The following LARGE1 variants were observed in gnomAD, a reference collection of about 807,000 sequenced individuals.
LARGE1 encodes the protein LARGE xylosyl- and glucuronyltransferase 1.
A neutral mutation model predicts 87.6 loss-of-function variants in LARGE1; 43 were observed. The observed-to-expected ratio is 0.49, with a 90% confidence interval of 0.38 to 0.63. The LOEUF (loss-of-function observed/expected upper bound fraction) is 0.63. Among genes scored for constraint, LARGE1 ranks in the 30% least tolerant of loss-of-function variants. LARGE1 has a pLI of 0.00. For missense variants in LARGE1, 802 were observed against 1,000.2 expected, an observed-to-expected ratio of 0.80 and a Z score of 2.67; for synonymous variants, 434 against 394.6, an observed-to-expected ratio of 1.10 and a Z score of -1.18.
chr22:33,532,011 G>C (rs887889021), intron 6 of LARGE1, among the ~76,000 whole-genome samples: 4 of 152,218 alleles, frequency 2.6e-5, no homozygotes, highest in African/African-American at 9.6e-5. Context: ...AGCTGTTTTA[G>C]TACATTTTTG....
Position 33,882,045 on chromosome 22 carries a change from GT to G in LARGE1, c.-83+37949del, listed in dbSNP as rs3216428. 1.1e-3 allele frequency among the ~76,000 whole-genome samples: 145 copies of G among 130,838 alleles called. No individual in the cohort carries two copies. The East Asian group carries it at 0.011, about 10-fold the overall frequency. 85.8% of individuals were successfully genotyped at this position (130,838 alleles called of 152,430 possible). Reference sequence around the variant, plus strand: ...GGTTTTTTTGTTTTTGTTTTTTTTTGTTTTTTTTTTTTTTTGAGACGGAGTC... The same window carrying G: ...GGTTTTTTTGTTTTTGTTTTTTTTTGTTTTTTTTTTTTTTGAGACGGAGTC... On this transcript the variant is annotated intron_variant, in intron 1 of 14. Transcript: ENST00000397394.
chr22:33,530,053 T>C (rs542787259), intron 6 of LARGE1, among the ~76,000 whole-genome samples: 1 of 152,312 alleles, frequency 6.6e-6, no homozygotes, highest in South Asian at 2.1e-4. Flanking sequence ...GGGTTCAGCT[T>C]ATAACTAATT....
At chr22:33,444,640 A>G (rs2067615582) in intron 6 of LARGE1, among the ~76,000 whole-genome samples, 2 of 152,230 alleles carry the variant, frequency 1.3e-5, no homozygotes, top group African/African-American at 4.8e-5. Context: ...GACTTACTAA[A>G]AGGATAAAGG....
At chr22:33,276,919 G>C in intron 14 of LARGE1, 141 bp downstream of exon 14, 1 of 842,288 alleles carries the variant, frequency 1.2e-6, no homozygotes, top group Non-Finnish European at 2.0e-6. Context: ...AAGAGCCCAA[G>C]GATCAGTACT....
intron 3 of LARGE1, among the ~76,000 whole-genome samples, chr22:33,632,333 A>G (rs1230175192): frequency 1.3e-5 from 2 of 152,144 alleles, no homozygotes; most frequent in East Asian, 3.9e-4. Context: ...CACGTTGCCC[A>G]AGCTGGTCTT....
chr22:33,159,742 G>A (rs747701072), downstream of LARGE1, among the ~76,000 whole-genome samples: 4 of 151,704 alleles, frequency 2.6e-5, no homozygotes, highest in Admixed American at 6.6e-5. Context: ...CCGCCACCAC[G>A]CCTGGCTAAT....
chr22:33,407,753 T>A (rs1439669906), intron 7 of LARGE1, among the ~76,000 whole-genome samples: 1 of 152,124 alleles, frequency 6.6e-6, no homozygotes, highest in African/African-American at 2.4e-5. Flanking sequence ...CAGCAAATTT[T>A]TTCTGAAAGG....
downstream of LARGE1, among the ~76,000 whole-genome samples, chr22:33,157,557 C>G (rs958058957): frequency 6.6e-6 from 1 of 152,174 alleles, no homozygotes. Context: ...AACAGAGAAC[C>G]ACTGCTCATT....
intron 4 of LARGE1, among the ~76,000 whole-genome samples, chr22:33,625,523 G>C (rs2079894056): frequency 6.6e-6 from 1 of 152,194 alleles, no homozygotes; most frequent in African/African-American, 2.4e-5. Flanking sequence ...TTTACAGTCA[G>C]AAATGCCCAA....
chr22:33,305,073 C>G (rs907982765), intron 11 of LARGE1, among the ~76,000 whole-genome samples: 1 of 152,126 alleles, frequency 6.6e-6, no homozygotes, highest in Non-Finnish European at 1.5e-5. Flanking sequence ...GATGGAGGAA[C>G]GGACGTGCCG....
chr22:33,515,076 G>T (rs777544711), intron 6 of LARGE1, among the ~76,000 whole-genome samples: 79 of 151,296 alleles, frequency 5.2e-4, no homozygotes, highest in South Asian at 1.7e-3. Flanking sequence ...TCAGAAAACA[G>T]TAGAGCCAAG....
intron 6 of LARGE1, among the ~76,000 whole-genome samples, chr22:33,545,948 T>G (rs754207482): frequency 7.2e-5 from 11 of 152,198 alleles, no homozygotes; most frequent in Non-Finnish European, 1.3e-4. Context: ...TCTGCCTTAG[T>G]TCAGGCCATG....
intron 1 of LARGE1, among the ~76,000 whole-genome samples, chr22:33,847,040 CT>C (rs2063454479): frequency 6.6e-6 from 1 of 152,180 alleles, no homozygotes; most frequent in African/African-American, 2.4e-5. Context: ...TTGAAACTCC[CT>C]AATAAAAACT....
chr22:33,544,860 T>A (rs2077311325), intron 6 of LARGE1, among the ~76,000 whole-genome samples: 1 of 152,040 alleles, frequency 6.6e-6, no homozygotes, highest in Admixed American at 6.6e-5. Context: ...CAGGACTGAG[T>A]CATGTCCTTA....
chr22:33,203,135 ATG>A lies in LARGE1; in HGVS notation c.1731-36305_1731-36304del, dbSNP rs1777772476. On this transcript the variant is annotated intron_variant, in intron 11 of 11. Transcript: ENST00000608642. ...TGTGTGTGTGTGTGTGCAAGAGAGA[ATG>A]AGAGAGAAAGAGAGAGACAGACAGA... Among the ~76,000 whole-genome samples the A allele has an allele frequency of 2.2e-5, 3 of 133,822 alleles. No individual in the cohort carries two copies. In the South Asian group the frequency reaches 7.8e-4, roughly 35 times the overall value. The allele number at this position is 133,822 out of a possible 152,430, so 87.8% of individuals were successfully genotyped here.
At chr22:33,128,433 G>C in the LARGE1 span, among the ~76,000 whole-genome samples, 2 of 152,180 alleles carry the variant, frequency 1.3e-5, no homozygotes, top group Non-Finnish European at 2.9e-5. Context: ...CCAGCACTTT[G>C]GGAGGCCGAG....
At chr22:33,666,185 A>C (rs1291586913) in intron 2 of LARGE1, among the ~76,000 whole-genome samples, 1 of 152,230 alleles carries the variant, frequency 6.6e-6, no homozygotes, top group Non-Finnish European at 1.5e-5. Flanking sequence ...TTGGTGCAGA[A>C]AGATGAATAA....
chr22:33,549,856 C>A lies in LARGE1; in HGVS notation c.787+14992G>T, dbSNP rs147830488. 1.6e-4 allele frequency among the ~76,000 whole-genome samples: 25 copies of A among 152,196 alleles called. 4 individuals are homozygous for A. Among genetic ancestry groups the A allele is most frequent in the Admixed American group, 3.9e-4 (6 of 15,274 alleles). ...TGCAGTATTTGGTTTTCTGTCCTTGCGATAGTTTGCTCAGAATGAAGGTTT... is the reference window on the plus strand; with the variant it reads ...TGCAGTATTTGGTTTTCTGTCCTTGAGATAGTTTGCTCAGAATGAAGGTTT... On this transcript the variant is annotated intron_variant, in intron 6 of 14. Transcript: ENST00000397394.
intron 6 of LARGE1, among the ~76,000 whole-genome samples, chr22:33,484,605 C>T (rs939924051): frequency 6.6e-6 from 1 of 152,166 alleles, no homozygotes; most frequent in Non-Finnish European, 1.5e-5. Flanking sequence ...AGAGGTGCTT[C>T]CACGACAGGA....
Sources: gnomAD v4.1 joint callset for allele counts (sites outside exome capture counted in the v4.1 genomes callset) on GRCh38, gnomAD v4.1.1 for gene constraint, MANE v1.5 for transcripts, NCBI Gene and HGNC (gene_info 2026-07-23, HGNC 2026-07-21) for gene names.